The following ALG12 variants were observed in gnomAD, a reference collection of about 807,000 sequenced individuals.
ALG12 encodes the protein dol-P-Man:Man(7)GlcNAc(2)-PP-Dol alpha-1,6-mannosyltransferase.
Under a neutral mutation model 46.0 loss-of-function variants are expected in ALG12, and 36 were observed. The ratio of observed to expected loss-of-function variants is 0.78; its 90% CI spans 0.60 to 1.03. ALG12 has a LOEUF of 1.03. Ranked by LOEUF, ALG12 falls within the 50% of genes least tolerant of loss-of-function variation. The pLI is 0.00. For synonymous variants in ALG12, 326 were observed against 291.6 expected, an observed-to-expected ratio of 1.12 and a Z score of -1.20; for missense variants, 599 against 633.5, an observed-to-expected ratio of 0.95 and a Z score of 0.58.
At chr22:49,861,930 G>C in the ALG12 span, among the ~76,000 whole-genome samples, 1 of 152,280 alleles carries the variant, frequency 6.6e-6, no homozygotes, top group East Asian at 1.9e-4. Flanking sequence ...TGTAATTTTG[G>C]TGAGTGCTTC....
the ALG12 span, among the ~76,000 whole-genome samples, chr22:49,869,482 G>A: frequency 1.3e-5 from 2 of 152,326 alleles, no homozygotes; most frequent in South Asian, 4.1e-4. Context: ...TGTTTGGTTT[G>A]TCTGATGGTG....
At chr22:49,910,734 G>A (rs909020269) in intron 3 of ALG12, 127 bp from the exon 4 acceptor site, 62 of 1,112,316 alleles carry the variant, frequency 5.6e-5, no homozygotes, top group Non-Finnish European at 6.3e-5. Flanking sequence ...GCCAGCTGAC[G>A]GCTACGTCAG....
chr22:49,865,704 T>G, the ALG12 span, among the ~76,000 whole-genome samples: 1 of 151,988 alleles, frequency 6.6e-6, no homozygotes, highest in Non-Finnish European at 1.5e-5. Flanking sequence ...TCCTCATGTT[T>G]CTGTTGTGTT....
Position 49,902,514 on chromosome 22 carries a change from CTG to C in ALG12, c.*1322_*1323del, listed in dbSNP as rs149813078. On this transcript the variant is annotated 3_prime_UTR_variant, in exon 10 of 10. Transcript: ENST00000330817. ...TATGCATGGTGTGTGCACATGTGCA[CTG>C]TGTATGCATGGTAATGTGCACGCGT... 11 of 118,250 alleles carry C rather than the reference CTG, an allele frequency of 9.3e-5. No individual in the cohort carries two copies. Among genetic ancestry groups the C allele is most frequent in the Non-Finnish European group, 1.4e-4 (9 of 63,290 alleles). The allele number at this position is 118,250 out of a possible 1,614,324, so 7.3% of individuals were successfully genotyped here.
chr22:49,863,191 G>C, the ALG12 span, among the ~76,000 whole-genome samples: 1 of 152,102 alleles, frequency 6.6e-6, no homozygotes. Context: ...TGGTTGGTTG[G>C]TTGGTTGGTT....
At chr22:49,878,620 C>A in the ALG12 span, among the ~76,000 whole-genome samples, 7 of 152,184 alleles carry the variant, frequency 4.6e-5, no homozygotes, top group Non-Finnish European at 7.3e-5. Flanking sequence ...AAAGACAACA[C>A]AGAAGAAAGT....
chr22:49,892,452 A>G, the ALG12 span, among the ~76,000 whole-genome samples: 1 of 152,242 alleles, frequency 6.6e-6, no homozygotes, highest in African/African-American at 2.4e-5. Flanking sequence ...CAGGAGCCTC[A>G]GAGAAGTGGC....
At chr22:49,873,858 A>AG in the ALG12 span, among the ~76,000 whole-genome samples, 97,406 of 151,680 alleles carry the variant, frequency 0.64, 35,454 homozygotes, top group East Asian at 0.85. Context: ...TGTAGGTTGG[A>AG]GCGAGGAGCG....
chr22:49,877,258 ATTATTTATTTATTTATTTATTTATTTAT>A, the ALG12 span, among the ~76,000 whole-genome samples: 5 of 144,738 alleles, frequency 3.5e-5, no homozygotes, highest in South Asian at 2.2e-4. Context: ...AAACAGCTTT[ATTATTTATTTATTTATTTATTTATTTAT>A]TTATTTATTT....
chr22:49,885,608 A>C, the ALG12 span: 1 of 1,610,220 alleles, frequency 6.2e-7, no homozygotes, highest in African/African-American at 1.3e-5. Context: ...GAGAAGTTTT[A>C]CGATTCTCAC....
rs369030452 is a variant in ALG12, at chr22:49,907,956, G to A, written c.769-12C>T. ...AGCAGCGGGGAGGTCTGCGGGCTGG[G>A]TTAAGGAGGCCACGCACCTGTCCAC... On this transcript the variant is annotated splice_polypyrimidine_tract_variant and intron_variant, in intron 6 of 9. Transcript: ENST00000330817. 4 of 1,610,426 alleles carry A rather than the reference G, an allele frequency of 2.5e-6. No homozygotes were observed. In the African/African-American group the frequency reaches 5.3e-5, roughly 21 times the overall value.
In ALG12 at chr22:49,902,160, T is replaced by C. The variant is rs1305447783; in HGVS notation, c.*1678A>G. 1.4e-5 allele frequency: 2 copies of C among 141,176 alleles called. No homozygotes were observed. Among genetic ancestry groups the C allele is most frequent in the East Asian group, 2.2e-4 (1 of 4,450 alleles). 8.7% of individuals were successfully genotyped at this position (141,176 alleles called of 1,614,324 possible). On this transcript the variant is annotated 3_prime_UTR_variant, in exon 10 of 10. Transcript: ENST00000330817. ...GTGTGTGGTGTGTATGCATGGTGTGTGCACGTGTGCACTGTGTGTGGTGTG... is the reference window on the plus strand; with the variant it reads ...GTGTGTGGTGTGTATGCATGGTGTGCGCACGTGTGCACTGTGTGTGGTGTG...
chr22:49,887,902 G>C, the ALG12 span: 3 of 167,204 alleles, frequency 1.8e-5, no homozygotes, highest in African/African-American at 7.2e-5. Flanking sequence ...CTTTGTAACT[G>C]TGCTCATCAC....
At chr22:49,885,526 C>T in the ALG12 span, 1 of 1,608,762 alleles carries the variant, frequency 6.2e-7, no homozygotes, top group Non-Finnish European at 8.5e-7. Context: ...GACGGCTCGG[C>T]CCTCCTCTCC....
intron 1 of ALG12, among the ~76,000 whole-genome samples, chr22:49,917,892 T>C (rs1470021679): frequency 4.2e-5 from 4 of 95,394 alleles, no homozygotes; most frequent in African/African-American, 2.1e-4. Flanking sequence ...AGACCCTAAG[T>C]GGACCCCAGA....
At chr22:49,883,564 G>T in the ALG12 span, 1 of 1,418,004 alleles carries the variant, frequency 7.1e-7, no homozygotes, top group African/African-American at 1.5e-5. Flanking sequence ...ATGGAATTAT[G>T]ACGAAAAAGT....
chr22:49,912,542 G>A (rs938227236), intron 3 of ALG12, among the ~76,000 whole-genome samples: 2 of 152,170 alleles, frequency 1.3e-5, no homozygotes, highest in Non-Finnish European at 2.9e-5. Flanking sequence ...GTGGGTTTCC[G>A]TTCCCAATCT....
In ALG12 at chr22:49,906,280, C is replaced by T. The variant is rs2060541489; in HGVS notation, c.992+1441G>A. Among the ~76,000 whole-genome samples the T allele has an allele frequency of 1.3e-5, 2 of 152,196 alleles. No homozygotes were observed. Among genetic ancestry groups the T allele is most frequent in the East Asian group, 1.9e-4 (1 of 5,194 alleles). ...TACAATCCATCCGCGCCGCTCTCCC[C>T]GTCTTTCCTACCCTCTTTTCCATGA... is the stretch of plus-strand genomic sequence containing the variant. On this transcript the variant is annotated intron_variant, in intron 7 of 9. Coordinates refer to ENST00000330817, the MANE Select transcript of ALG12 (RefSeq NM_024105.4). The surrounding 1 kb of genome is among the most constrained non-coding windows in gnomAD (Gnocchi z 4.4).
the ALG12 span, chr22:49,887,045 T>C: frequency 6.2e-7 from 1 of 1,614,172 alleles, no homozygotes; most frequent in South Asian, 1.1e-5. Flanking sequence ...CCCCCAAGCA[T>C]CGTCCCTTCA....
Sources: allele counts gnomAD v4.1 joint callset (sites outside exome capture counted in the v4.1 genomes callset), GRCh38; gene constraint gnomAD v4.1.1; non-coding constraint Gnocchi (gnomAD v3.1); transcripts MANE v1.5; gene names NCBI Gene and HGNC (gene_info 2026-07-23, HGNC 2026-07-21).